PPP1R14C: variants seen among roughly 807,000 people sequenced by gnomAD.
The protein encoded by PPP1R14C is protein phosphatase 1 regulatory subunit 14C.
Under a neutral mutation model 20.4 loss-of-function variants are expected in PPP1R14C, and 16 were observed. The ratio of observed to expected loss-of-function variants is 0.78; its 90% confidence interval spans 0.53 to 1.19. PPP1R14C has a LOEUF of 1.19. Among genes scored for constraint, PPP1R14C ranks in the 50% most tolerant of loss-of-function variants. PPP1R14C has a pLI of 0.00. For missense variants in PPP1R14C, 211 were observed against 220.1 expected (o/e 0.96, Z 0.26); for synonymous variants, 91 against 91.0 (o/e 1.00, Z 0.00).
At chr6:150,156,420 G>A (rs55644405) in intron 1 of PPP1R14C, among the ~76,000 whole-genome samples, 19,795 of 152,166 alleles carry the variant, frequency 0.13, 1,537 homozygotes, top group Non-Finnish European at 0.18. Context: ...AGCTACTGCC[G>A]CCAATCATCT....
chr6:150,159,879 A>G (rs1777345689), intron 1 of PPP1R14C, among the ~76,000 whole-genome samples: 1 of 151,990 alleles, frequency 6.6e-6, no homozygotes, highest in Non-Finnish European at 1.5e-5. Flanking sequence ...GGGACACCAC[A>G]TTGCATTTAC....
At chr6:150,205,791 C>CAA (rs61626886) in intron 1 of PPP1R14C, among the ~76,000 whole-genome samples, 9 of 118,936 alleles carry the variant, frequency 7.6e-5, no homozygotes, top group Non-Finnish European at 9.1e-5. Flanking sequence ...GCCTCCGTCT[C>CAA]AAAAAAAAAA....
intron 1 of PPP1R14C, among the ~76,000 whole-genome samples, chr6:150,158,165 C>T (rs868055246): frequency 2.2e-4 from 33 of 152,248 alleles, no homozygotes; most frequent in Middle Eastern, 6.8e-3. Context: ...GAAAAACCAT[C>T]TCCCCAAAAG....
At chr6:150,175,296 G>A (rs1777549349) in intron 1 of PPP1R14C, among the ~76,000 whole-genome samples, 1 of 152,134 alleles carries the variant, frequency 6.6e-6, no homozygotes, top group South Asian at 2.1e-4. Flanking sequence ...TGGTGGAGTT[G>A]GAAGGGGCCC....
chr6:150,212,077 T>C (rs1778030007), intron 1 of PPP1R14C, among the ~76,000 whole-genome samples: 2 of 152,186 alleles, frequency 1.3e-5, no homozygotes, highest in Non-Finnish European at 2.9e-5. Context: ...TCTTTACTCC[T>C]GTCAAGCCCC....
chr6:150,229,076 C>T (rs932497385), intron 3 of PPP1R14C, among the ~76,000 whole-genome samples: 7 of 152,162 alleles, frequency 4.6e-5, no homozygotes, highest in African/African-American at 1.7e-4. Context: ...GCTCTACACT[C>T]TCTTCCTATG....
rs1778536116 is a variant in PPP1R14C at position 150,249,514 on chromosome 6, C to A, written c.*694C>A. ...TTAATTTATGGAATTTCTATTATTT[C>A]ATTGGTTGGGATGCTTTGCCAGGTC... On this transcript the variant is annotated 3_prime_UTR_variant, in exon 4 of 4. Coordinates refer to ENST00000361131, the MANE Select transcript of PPP1R14C (RefSeq NM_030949.3). 1 of 398,450 alleles carries A rather than the reference C, an allele frequency of 2.5e-6. No homozygotes were observed. The highest frequency in any genetic ancestry group is 4.4e-6 in the Non-Finnish European group (1 of 226,054). 24.7% of individuals were successfully genotyped at this position (398,450 alleles called of 1,614,324 possible). A position where few individuals can be genotyped will look rare whatever the true frequency, so the allele number is the denominator to read the frequency against.
chr6:150,174,465 C>A (rs2114872617), intron 1 of PPP1R14C, among the ~76,000 whole-genome samples: 1 of 151,926 alleles, frequency 6.6e-6, no homozygotes, highest in African/African-American at 2.4e-5. Context: ...ATCCGCCCAC[C>A]TTGGCCTCCC....
intron 3 of PPP1R14C, among the ~76,000 whole-genome samples, chr6:150,227,788 G>T (rs1237817948): frequency 6.6e-6 from 1 of 152,190 alleles, no homozygotes; most frequent in Non-Finnish European, 1.5e-5. Context: ...CATTTTAGTG[G>T]CTGTAGCCAC....
At chr6:150,187,764 A>G (rs1439378196) in intron 1 of PPP1R14C, among the ~76,000 whole-genome samples, 1 of 152,196 alleles carries the variant, frequency 6.6e-6, no homozygotes, top group Non-Finnish European at 1.5e-5. Flanking sequence ...ATACATGTGC[A>G]CTGTCTTTAT....
At chr6:150,195,850 G>A (rs1306854432) in intron 1 of PPP1R14C, 1 of 985,248 alleles carries the variant, frequency 1.0e-6, no homozygotes, top group East Asian at 1.1e-4. Flanking sequence ...GGACCACAGA[G>A]CTATGGGAGG....
chr6:150,214,724 A>G lies in PPP1R14C; in HGVS notation c.307-20A>G. On this transcript the variant is annotated intron_variant, in intron 1 of 3. Transcript: ENST00000361131. ...TTCTTACTAAATTAAATGCCTTCAT[A>G]TCCTCCCACTGCCCCCCAGGAAGAA... 6.2e-7 allele frequency: 1 copy of G among 1,600,090 alleles called. No homozygotes were observed. The highest frequency in any genetic ancestry group is 8.6e-7 in the Non-Finnish European group (1 of 1,168,026).
At chr6:150,177,252 C>G (rs985024185) in intron 1 of PPP1R14C, among the ~76,000 whole-genome samples, 1 of 152,172 alleles carries the variant, frequency 6.6e-6, no homozygotes, top group Non-Finnish European at 1.5e-5. Context: ...CTAAGGTAGA[C>G]TGTCTTTACC....
intron 1 of PPP1R14C, among the ~76,000 whole-genome samples, chr6:150,184,197 G>T (rs910330533): frequency 2.0e-5 from 3 of 152,214 alleles, no homozygotes; most frequent in African/African-American, 7.2e-5. Context: ...AGGATGTGAT[G>T]AGAGCATAGG....
At chr6:150,234,319 G>C (rs1283053706) in intron 3 of PPP1R14C, among the ~76,000 whole-genome samples, 2 of 152,104 alleles carry the variant, frequency 1.3e-5, no homozygotes, top group Non-Finnish European at 2.9e-5. Context: ...TTAGAAAACT[G>C]TGGGGAGGGG....
chr6:150,210,485 T>A (rs921305484), intron 1 of PPP1R14C, among the ~76,000 whole-genome samples: 4 of 152,228 alleles, frequency 2.6e-5, no homozygotes, highest in African/African-American at 7.2e-5. Context: ...CACAGCCTCC[T>A]GCCTCCTCCC....
rs1018187517 is a variant in PPP1R14C at position 150,224,205 on chromosome 6, G to A, written c.423+7349G>A. Among the ~76,000 whole-genome samples, 30 of 152,216 alleles carry A rather than the reference G, an allele frequency of 2.0e-4. 1 individual carries two copies. Among genetic ancestry groups the A allele is most frequent in the African/African-American group, 5.5e-4 (23 of 41,550 alleles). On this transcript the variant is annotated intron_variant, in intron 3 of 3. Transcript: ENST00000361131. ...TCTCTTTTCTATTCCAATTATCTAC[G>A]TGTCCATTCTTTCACCAATACCACA... is the stretch of plus-strand genomic sequence containing the variant.
chr6:150,200,185 C>T (rs201055643), intron 1 of PPP1R14C, among the ~76,000 whole-genome samples: 7,806 of 149,898 alleles, frequency 0.052, 441 homozygotes, highest in African/African-American at 0.13. Context: ...TATATATATA[C>T]ACACACACAT....
intron 1 of PPP1R14C, among the ~76,000 whole-genome samples, chr6:150,148,683 T>C (rs1186266846): frequency 6.6e-6 from 1 of 152,218 alleles, no homozygotes; most frequent in Non-Finnish European, 1.5e-5. Context: ...AAATCACCAT[T>C]TGTTCAGGTA....
Sources: allele counts gnomAD v4.1 joint callset (sites outside exome capture counted in the v4.1 genomes callset), GRCh38; gene constraint gnomAD v4.1.1; transcripts MANE v1.5; gene names NCBI Gene and HGNC (gene_info 2026-07-23, HGNC 2026-07-21).